KBTBD6: variants seen among roughly 807,000 people sequenced by gnomAD.
The protein encoded by KBTBD6 is kelch repeat and BTB domain containing 6.
In KBTBD6, 6 loss-of-function variants were observed where a neutral mutation model predicts 34.4. The ratio of observed to expected loss-of-function variants is 0.17; its 90% CI spans 0.10 to 0.34. KBTBD6 has a LOEUF of 0.34. KBTBD6 is among the 10% of genes least tolerant of loss of function. The probability of loss-of-function intolerance (pLI) is 1.00; values close to 1 mark genes in which losing one functional copy is unlikely to be tolerated. For synonymous variants in KBTBD6, 288 were observed against 327.2 expected (o/e 0.88, Z 1.29); for missense variants, 557 against 856.0 (o/e 0.65, Z 4.36).
In KBTBD6 at chr13:41,127,749, T is replaced by G. The variant is rs2030018898; in HGVS notation, c.*2738A>C. 1 of 152,244 alleles carries G rather than the reference T, an allele frequency of 6.6e-6. No homozygotes were observed. Among genetic ancestry groups the G allele is most frequent in the African/African-American group, 2.4e-5 (1 of 41,460 alleles). 9.4% of individuals were successfully genotyped at this position (152,244 alleles called of 1,614,324 possible). A position where few individuals can be genotyped will look rare whatever the true frequency, so the allele number is the denominator to read the frequency against. ...AGAATGACGAATTCAAGAATTTCTTTCATACATAAATTGCTTTCCTTAGTT... is the reference window on the plus strand; with the variant it reads ...AGAATGACGAATTCAAGAATTTCTTGCATACATAAATTGCTTTCCTTAGTT... On this transcript the variant is annotated 3_prime_UTR_variant, in exon 1 of 1. Transcript: ENST00000379485.
Position 41,131,052 on chromosome 13 carries a change from T to C in KBTBD6, c.1460A>G (p.Tyr487Cys), listed in dbSNP as rs2138517007. 6.2e-7 allele frequency: 1 copy of C among 1,614,150 alleles called. No homozygotes were observed. The highest frequency in any genetic ancestry group is 8.5e-7 in the Non-Finnish European group (1 of 1,180,022). Residue 487 changes from tyrosine to cysteine, a missense_variant, in exon 1 of 1, where the codon TAT becomes TGT. Transcript: ENST00000379485. The surrounding 1 kb of genome is among the most constrained non-coding windows in gnomAD (Gnocchi z 5.8). ...FDLMVIRDYL[Y>C]ALNSKRMFCY... ...GAACATGCGCTTACTGTTGAGAGCA[T>C]AGAGATAGTCTCGAATTACCATTAG...
chr13:41,129,301 T>G lies in KBTBD6; in HGVS notation c.*1186A>C, dbSNP rs1440327237. ...AATGTTTAAGGCAATAGATAAAAATTTATACAATCCAGTGAAATTTATACA... is the reference window on the plus strand; with the variant it reads ...AATGTTTAAGGCAATAGATAAAAATGTATACAATCCAGTGAAATTTATACA... On this transcript the variant is annotated 3_prime_UTR_variant, in exon 1 of 1. Coordinates refer to ENST00000379485, the MANE Select transcript of KBTBD6 (RefSeq NM_152903.5). The G allele has an allele frequency of 6.6e-6, 1 of 152,226 alleles. No individual in the cohort carries two copies. Among genetic ancestry groups the G allele is most frequent in the Non-Finnish European group, 1.5e-5 (1 of 68,000 alleles). 9.4% of individuals were successfully genotyped at this position (152,226 alleles called of 1,614,324 possible). A position where few individuals can be genotyped will look rare whatever the true frequency, so the allele number is the denominator to read the frequency against.
rs1279204790 is a variant in KBTBD6 at position 41,132,030 on chromosome 13, G to A, written c.482C>T (p.Ala161Val). The change falls in exon 1 of 1, where the codon GCC becomes GTC. Residue 161 changes from alanine to valine, a missense_variant. Physicochemically the swap from Ala to Val is moderately conservative, Grantham distance 64. Coordinates refer to ENST00000379485, the MANE Select transcript of KBTBD6 (RefSeq NM_152903.5). Reference sequence around the variant, plus strand: ...GTCAAGACGTCGGGCTAAGAAGGAGGCACAGGCTTCCCGCACATATTCCAG... The same window carrying A: ...GTCAAGACGTCGGGCTAAGAAGGAGACACAGGCTTCCCGCACATATTCCAG... Reference protein sequence around the residue: ...LQLEYVREACASFLARRLDLT... With the variant: ...LQLEYVREACVSFLARRLDLT... The A allele has an allele frequency of 1.9e-6, 3 of 1,614,134 alleles. No homozygotes were observed. The highest frequency in any genetic ancestry group is 2.5e-6 in the Non-Finnish European group (3 of 1,180,054).
chr13:41,130,821 T>G lies in KBTBD6; in HGVS notation c.1691A>C (p.His564Pro). ...GGTGATGAGCAACAATTTTTGGCCA[T>G]GCTTGATAATTCTGTAGTTGTTGGT... ...SETNNYRIIK[H>P]GQKLLLITSR... Residue 564 changes from histidine (H) to proline (P), a missense_variant, in exon 1 of 1, where the codon CAT becomes CCT. Physicochemically the swap from His to Pro is moderately conservative, Grantham distance 77. Around this residue, in one of 4 missense-constraint regions of KBTBD6, gnomAD observed 309 missense variants for 504.5 expected, o/e 0.61. Coordinates refer to ENST00000379485, the MANE Select transcript of KBTBD6 (RefSeq NM_152903.5). This position sits in a 1 kb window ranked among gnomAD's most constrained non-coding sequence, Gnocchi z 4.8. The G allele has an allele frequency of 6.2e-7, 1 of 1,614,222 alleles. No homozygotes were observed. Among genetic ancestry groups the G allele is most frequent in the Non-Finnish European group, 8.5e-7 (1 of 1,180,024 alleles).
chr13:41,130,596 T>C lies in KBTBD6; in HGVS notation c.1916A>G (p.Glu639Gly), dbSNP rs1431009885. ...FLTEEEEIPS[E>G]SSTEWDLGGF... is the part of the protein sequence containing the mutation. ...ACCTAAGTCCCATTCAGTGCTAGAC[T>C]CACTTGGTATTTCTTCTTCTTCAGT... is the stretch of plus-strand genomic sequence containing the variant. Residue 639 changes from glutamate to glycine, a missense_variant, in exon 1 of 1, where the codon GAG becomes GGG. By Grantham distance (98) the Glu-to-Gly change is moderately conservative (BLOSUM62 -2). Around this residue, in one of 4 missense-constraint regions of KBTBD6, gnomAD observed 309 missense variants for 504.5 expected, o/e 0.61. Transcript: ENST00000379485. The surrounding 1 kb of genome is among the most constrained non-coding windows in gnomAD (Gnocchi z 4.8). 6.2e-7 allele frequency: 1 copy of C among 1,614,164 alleles called. No individual in the cohort carries two copies. The highest frequency in any genetic ancestry group is 8.5e-7 in the Non-Finnish European group (1 of 1,180,000).
chr13:41,130,504 G>C lies in KBTBD6; in HGVS notation c.2008C>G (p.Arg670Gly). The C allele has an allele frequency of 1.9e-6, 3 of 1,613,058 alleles. No individual in the cohort carries two copies. Among genetic ancestry groups the C allele is most frequent in the Non-Finnish European group, 2.5e-6 (3 of 1,179,336 alleles). The part of the protein sequence containing the change: ...SSLSDDDFWV[R>G]VAPQ The stretch of plus-strand genomic sequence containing the variant: ...TGTGCATTTCACTGAGGCGCTACAC[G>C]CACCCAAAAATCATCATCAGAAAGA... Residue 670 changes from arginine (R) to glycine (G), a missense_variant, in exon 1 of 1, where the codon CGT becomes GGT. Physicochemically the swap from Arg to Gly is moderately radical, Grantham distance 125. Around this residue, in one of 4 missense-constraint regions of KBTBD6, gnomAD observed 309 missense variants for 504.5 expected, o/e 0.61. Transcript: ENST00000379485. This position sits in a 1 kb window ranked among gnomAD's most constrained non-coding sequence, Gnocchi z 4.8.
chr13:41,132,572 C>G lies in KBTBD6; in HGVS notation c.-61G>C. On this transcript the variant is annotated 5_prime_UTR_variant, in exon 1 of 1. Transcript: ENST00000379485. ...GCTGCAGGACCCGGCTCTGGCTCCTCCTCAACCTTCCCTCGCTGACGCTAA... is the reference window on the plus strand; with the variant it reads ...GCTGCAGGACCCGGCTCTGGCTCCTGCTCAACCTTCCCTCGCTGACGCTAA... 1 of 1,542,830 alleles carries G rather than the reference C, an allele frequency of 6.5e-7. No individual in the cohort carries two copies. The highest frequency in any genetic ancestry group is 8.8e-7 in the Non-Finnish European group (1 of 1,134,736).
In KBTBD6 at chr13:41,128,745, G is replaced by A. The variant is rs1482930344; in HGVS notation, c.*1742C>T. On this transcript the variant is annotated 3_prime_UTR_variant, in exon 1 of 1. Coordinates refer to ENST00000379485, the MANE Select transcript of KBTBD6 (RefSeq NM_152903.5). ...AGCTGCAGATGATAGCTGCAGCCCC[G>A]AACTCCTAGACTCAAGTGATCCTAC... 5.7e-6 allele frequency: 2 copies of A among 350,682 alleles called. No homozygotes were observed. The highest frequency in any genetic ancestry group is 3.9e-5 in the East Asian group (1 of 25,682). 21.7% of individuals were successfully genotyped at this position (350,682 alleles called of 1,614,324 possible).
At position 41,130,498 on chromosome 13, in the gene KBTBD6, C is replaced by G; in HGVS notation, c.2014G>C (p.Ala672Pro). The stretch of plus-strand genomic sequence containing the variant: ...TGATCCTGTGCATTTCACTGAGGCG[C>G]TACACGCACCCAAAAATCATCATCA... The part of the protein sequence containing the change: ...LSDDDFWVRV[A>P]PQ The change falls in exon 1 of 1, where the codon GCG (alanine) becomes CCG (proline). Residue 672 changes from alanine (A) to proline (P), a missense_variant. Ala to Pro is a conservative substitution (Grantham distance 27, BLOSUM62 -1). Transcript: ENST00000379485. The surrounding 1 kb of genome is among the most constrained non-coding windows in gnomAD (Gnocchi z 4.8). 6.2e-7 allele frequency: 1 copy of G among 1,612,900 alleles called. No individual in the cohort carries two copies. Among genetic ancestry groups the G allele is most frequent in the Non-Finnish European group, 8.5e-7 (1 of 1,179,156 alleles).
Position 41,129,607 on chromosome 13 carries a change from AAGTCACCACTC to A in KBTBD6, c.*869_*879del, listed in dbSNP as rs957602383. The A allele has an allele frequency of 2.0e-4, 30 of 151,490 alleles. No homozygotes were observed. The highest frequency in any genetic ancestry group is 1.7e-3 in the Admixed American group (26 of 15,224). The allele number at this position is 151,490 out of a possible 1,614,324, so 9.4% of individuals were successfully genotyped here. A position where few individuals can be genotyped will look rare whatever the true frequency, so the allele number is the denominator to read the frequency against. ...GCTATTCTCTGTATTATTATAAATG[AAGTCACCACTC>A]AGTCACCCTAATACACATATGGTTT... On this transcript the variant is annotated 3_prime_UTR_variant, in exon 1 of 1. Transcript: ENST00000379485.
In KBTBD6 at chr13:41,129,100, T is replaced by G. The variant is rs552230950; in HGVS notation, c.*1387A>C. 5.9e-5 allele frequency: 9 copies of G among 152,698 alleles called. No homozygotes were observed. Among genetic ancestry groups the G allele is most frequent in the African/African-American group, 2.2e-4 (9 of 41,474 alleles). The allele number at this position is 152,698 out of a possible 1,614,324, so 9.5% of individuals were successfully genotyped here. A position where few individuals can be genotyped will look rare whatever the true frequency, so the allele number is the denominator to read the frequency against. ...CAGTTTTAAAGTTCTTTGCTGGCAC[T>G]TGACTTTATAGTTAACACAATGACT... is the stretch of plus-strand genomic sequence containing the variant. On this transcript the variant is annotated 3_prime_UTR_variant, in exon 1 of 1. Transcript: ENST00000379485.
In KBTBD6 at chr13:41,132,088, C is replaced by G. The variant is rs1416053365; in HGVS notation, c.424G>C (p.Glu142Gln). Residue 142 changes from glutamate to glutamine, a missense_variant, in exon 1 of 1, where the codon GAG (glutamate) becomes CAG (glutamine). Glu to Gln is a conservative substitution (Grantham distance 29). Coordinates refer to ENST00000379485, the MANE Select transcript of KBTBD6 (RefSeq NM_152903.5). ...ATGTCGGAGGCCGCGTACAGGCGCT[C>G]CACGTTGGCCTCACTGAGAGACACA... ...GRVSLSEANVERLYAASDMLQ... is the reference protein window; with the variant it reads ...GRVSLSEANVQRLYAASDMLQ... 109 of 1,614,154 alleles carry G rather than the reference C, an allele frequency of 6.8e-5. No homozygotes were observed. Among genetic ancestry groups the G allele is most frequent in the South Asian group, 2.2e-4 (20 of 91,080 alleles).
chr13:41,132,652 C>G lies in KBTBD6; in HGVS notation c.-141G>C. 9.8e-7 allele frequency: 1 copy of G among 1,015,308 alleles called. No homozygotes were observed. Among genetic ancestry groups the G allele is most frequent in the Non-Finnish European group, 1.4e-6 (1 of 696,874 alleles). The allele number at this position is 1,015,308 out of a possible 1,614,324, so 62.9% of individuals were successfully genotyped here. On this transcript the variant is annotated 5_prime_UTR_variant, in exon 1 of 1. Transcript: ENST00000379485. ...ACGAGCCCATTTACTGAATTCAACCCTACCCCGCAGAACCGCCTCCCGTTA... is the reference window on the plus strand; with the variant it reads ...ACGAGCCCATTTACTGAATTCAACCGTACCCCGCAGAACCGCCTCCCGTTA...
rs1248714827 is a variant in KBTBD6 at position 41,128,281 on chromosome 13, G to C, written c.*2206C>G. 6.1e-6 allele frequency: 2 copies of C among 325,912 alleles called. No homozygotes were observed. Among genetic ancestry groups the C allele is most frequent in the Non-Finnish European group, 1.1e-5 (2 of 178,970 alleles). The allele number at this position is 325,912 out of a possible 1,614,324, so 20.2% of individuals were successfully genotyped here. On this transcript the variant is annotated 3_prime_UTR_variant, in exon 1 of 1. Transcript: ENST00000379485. The stretch of plus-strand genomic sequence containing the variant: ...ATGTTAATGAACAAAGATTAAGGAA[G>C]GTAATACTAACAGGATAAAGGAAAA...
chr13:41,128,591 G>C lies in KBTBD6; in HGVS notation c.*1896C>G. 1 of 396,552 alleles carries C rather than the reference G, an allele frequency of 2.5e-6. No individual in the cohort carries two copies. Among genetic ancestry groups the C allele is most frequent in the Non-Finnish European group, 4.5e-6 (1 of 224,660 alleles). The allele number at this position is 396,552 out of a possible 1,614,324, so 24.6% of individuals were successfully genotyped here. A position where few individuals can be genotyped will look rare whatever the true frequency, so the allele number is the denominator to read the frequency against. ...TTAGAGAAAACATACTTTCACTAGT[G>C]GCCTCAAATGCCATCATCCACTTAT... On this transcript the variant is annotated 3_prime_UTR_variant, in exon 1 of 1. Coordinates refer to ENST00000379485, the MANE Select transcript of KBTBD6 (RefSeq NM_152903.5).
In KBTBD6 at chr13:41,132,111, A is replaced by G; in HGVS notation, c.401T>C (p.Val134Ala). ...VLVDYCYTGR[V>A]SLSEANVERL... is the part of the protein sequence containing the mutation. ...CTCCACGTTGGCCTCACTGAGAGAC[A>G]CACGACCCGTGTAGCAGTAGTCGAC... The change falls in exon 1 of 1, where the codon GTG becomes GCG. Residue 134 changes from valine (V) to alanine (A), a missense_variant. By Grantham distance (64) the Val-to-Ala change is moderately conservative. Coordinates refer to ENST00000379485, the MANE Select transcript of KBTBD6 (RefSeq NM_152903.5). The G allele has an allele frequency of 6.2e-7, 1 of 1,614,240 alleles. No individual in the cohort carries two copies. Among genetic ancestry groups the G allele is most frequent in the Non-Finnish European group, 8.5e-7 (1 of 1,180,042 alleles).
chr13:41,130,389 T>A lies in KBTBD6; in HGVS notation c.*98A>T. Reference sequence around the variant, plus strand: ...AGAAGTTAATCAACTTTTCCTCTCCTTTAGGAACAAAAAGGATATTTAAGA... The same window carrying A: ...AGAAGTTAATCAACTTTTCCTCTCCATTAGGAACAAAAAGGATATTTAAGA... On this transcript the variant is annotated 3_prime_UTR_variant, in exon 1 of 1. Transcript: ENST00000379485. The surrounding 1 kb of genome is among the most constrained non-coding windows in gnomAD (Gnocchi z 4.8). The A allele has an allele frequency of 1.1e-6, 1 of 914,692 alleles. No homozygotes were observed. Among genetic ancestry groups the A allele is most frequent in the East Asian group, 2.5e-5 (1 of 39,640 alleles). 56.7% of individuals were successfully genotyped at this position (914,692 alleles called of 1,614,324 possible).
rs766939706 is a variant in KBTBD6, at chr13:41,132,489, G to A, written c.23C>T (p.Pro8Leu). 5.6e-6 allele frequency: 9 copies of A among 1,614,118 alleles called. No homozygotes were observed. In the South Asian group the frequency reaches 7.7e-5, roughly 14 times the overall value. The change falls in exon 1 of 1, where the codon CCG (proline) becomes CTG (leucine). Residue 8 changes from proline to leucine, a missense_variant. Pro to Leu is a moderately conservative substitution (Grantham distance 98). Coordinates refer to ENST00000379485, the MANE Select transcript of KBTBD6 (RefSeq NM_152903.5). MQSREDA[P>L]RSRRLASPRG... ...GGGACTGGCTAGGCGGCGAGAGCGCGGGGCGTCTTCCCGGGACTGCATGGT... is the reference window on the plus strand; with the variant it reads ...GGGACTGGCTAGGCGGCGAGAGCGCAGGGCGTCTTCCCGGGACTGCATGGT...
Position 41,131,803 on chromosome 13 carries a change from G to C in KBTBD6, c.709C>G (p.Gln237Glu). Residue 237 changes from glutamine to glutamate, a missense_variant, in exon 1 of 1, where the codon CAG becomes GAG. Physicochemically the swap from Gln to Glu is conservative, Grantham distance 29. This residue lies in a region of KBTBD6 where 100 missense variants were observed against 102.1 expected (regional missense o/e 0.98). Coordinates refer to ENST00000379485, the MANE Select transcript of KBTBD6 (RefSeq NM_152903.5). The surrounding 1 kb of genome is among the most constrained non-coding windows in gnomAD (Gnocchi z 5.8). ...TGCACTGCCACATGGCACACTGTCTGCTCACTCTCCACGTCCAGACTATCC... is the reference window on the plus strand; with the variant it reads ...TGCACTGCCACATGGCACACTGTCTCCTCACTCTCCACGTCCAGACTATCC... ...RLDSLDVESE[Q>E]TVCHVAVQWL... is the part of the protein sequence containing the mutation. The C allele has an allele frequency of 1.2e-6, 2 of 1,614,240 alleles. No homozygotes were observed. The highest frequency in any genetic ancestry group is 1.7e-6 in the Non-Finnish European group (2 of 1,180,052).
Sources: gnomAD v4.1 joint callset for allele counts on GRCh38, gnomAD v4.1.1 for gene constraint, gnomAD v4.1.1 regional missense constraint, Gnocchi (gnomAD v3.1) non-coding constraint, MANE v1.5 for transcripts, NCBI Gene and HGNC (gene_info 2026-07-23, HGNC 2026-07-21) for gene names.